The following DOCK2 variants were observed in gnomAD, a reference collection of about 807,000 sequenced individuals.
DOCK2 encodes the protein dedicator of cytokinesis protein 2.
DOCK2 carries 87 observed loss-of-function variants against 248.9 expected under a neutral mutation model. The observed-to-expected ratio is 0.35, with a 90% CI of 0.29 to 0.42. The LOEUF (loss-of-function observed/expected upper bound fraction) is 0.42. Among genes scored for constraint, DOCK2 ranks in the 10% least tolerant of loss-of-function variants. The pLI, the probability that DOCK2 is intolerant of heterozygous loss-of-function variation, is 1.00. For missense variants in DOCK2, 1,747 were observed against 2,300.2 expected (o/e 0.76, Z 4.92); for synonymous variants, 805 against 821.6 (o/e 0.98, Z 0.35).
intron 32 of DOCK2, among the ~76,000 whole-genome samples, chr5:170,015,114 A>G (rs1488626221): frequency 2.6e-5 from 4 of 152,134 alleles, no homozygotes; most frequent in African/African-American, 4.8e-5. Context: ...GTCTTTTCAT[A>G]TTGCTTAATC....
At position 169,681,785 on chromosome 5, in the gene DOCK2, A is replaced by G; in HGVS notation, c.512A>G (p.Asn171Ser). Residue 171 changes from asparagine (N) to serine (S), a missense_variant, in exon 7 of 52, where the codon AAT (asparagine) becomes AGT (serine). Around this residue, in one of 4 missense-constraint regions of DOCK2, gnomAD observed 375 missense variants for 510.9 expected, o/e 0.73. Coordinates refer to ENST00000520908, the MANE Select transcript of DOCK2 (RefSeq NM_004946.3). ...TTGATTGTCAGAGATGAAGACGGAA[A>G]TATCTTGGACCCTGATAATACCAGT... ...LDLIVRDEDG[N>S]ILDPDNTSVI... 6.2e-7 allele frequency: 1 copy of G among 1,613,718 alleles called. No individual in the cohort carries two copies. Among genetic ancestry groups the G allele is most frequent in the African/African-American group, 1.3e-5 (1 of 75,046 alleles).
rs2306558 is a variant in DOCK2 at position 169,711,905 on chromosome 5, G to A, written c.1483-30G>A. 633,560 of 1,612,506 alleles carry A rather than the reference G, an allele frequency of 0.39. 129,233 individuals carry two copies. The highest frequency in any genetic ancestry group is 0.57 in the East Asian group (25,449 of 44,836). ...AGTGGGGAGGGCCCTTTAACTCATTGTGTTCTGAGCTCTGTTTCTGTCTGC... is the reference window on the plus strand; with the variant it reads ...AGTGGGGAGGGCCCTTTAACTCATTATGTTCTGAGCTCTGTTTCTGTCTGC... On this transcript the variant is annotated intron_variant, in intron 15 of 51. Transcript: ENST00000520908.
intron 7 of DOCK2, among the ~76,000 whole-genome samples, chr5:169,682,188 A>T (rs993865164): frequency 6.6e-6 from 1 of 152,244 alleles, no homozygotes; most frequent in African/African-American, 2.4e-5. Context: ...TTAATTCCAG[A>T]TGAGTGTATA....
Position 169,699,279 on chromosome 5 carries a change from C to A in DOCK2, c.1056-103C>A. 3 of 1,141,526 alleles carry A rather than the reference C, an allele frequency of 2.6e-6. No individual in the cohort carries two copies. The South Asian group carries it at 4.7e-5, about 18-fold the overall frequency. The allele number at this position is 1,141,526 out of a possible 1,614,324, so 70.7% of individuals were successfully genotyped here. A position where few individuals can be genotyped will look rare whatever the true frequency, so the allele number is the denominator to read the frequency against. On this transcript the variant is annotated intron_variant, in intron 11 of 51. Transcript: ENST00000520908. The stretch of plus-strand genomic sequence containing the variant: ...CCCTGGGCTGACATATGCAAACTCA[C>A]TTTTCACCTGAGGCGTGTGGAGGGG...
At chr5:170,061,935 G>A (rs943001612) in intron 44 of DOCK2, among the ~76,000 whole-genome samples, 29 of 152,314 alleles carry the variant, frequency 1.9e-4, no homozygotes, top group African/African-American at 5.3e-4. Context: ...ATACTAGACC[G>A]TGGGTTTCAC....
intron 19 of DOCK2, 116 bp from the exon 20 acceptor site, chr5:169,716,097 T>C: frequency 1.1e-6 from 1 of 921,410 alleles, no homozygotes; most frequent in East Asian, 2.6e-5. Context: ...GTTTTGAGCA[T>C]GACATGTGGT....
At chr5:170,001,511 G>A (rs765208484) in intron 30 of DOCK2, among the ~76,000 whole-genome samples, 3 of 152,154 alleles carry the variant, frequency 2.0e-5, no homozygotes, top group Admixed American at 6.5e-5. Flanking sequence ...CACCTTCACC[G>A]TTTTGTAGCT....
intron 22 of DOCK2, among the ~76,000 whole-genome samples, chr5:169,744,985 G>T (rs1460303325): frequency 2.6e-5 from 4 of 152,232 alleles, no homozygotes; most frequent in Non-Finnish European, 4.4e-5. Context: ...GATGTTAAAT[G>T]TGGGTGGGAG....
intron 13 of DOCK2, among the ~76,000 whole-genome samples, chr5:169,701,128 GT>G: frequency 1.3e-5 from 2 of 152,276 alleles, no homozygotes; most frequent in East Asian, 3.9e-4. Context: ...AATTCACTCT[GT>G]CTTGCTTCTA....
rs113300369 is a variant in DOCK2 at position 169,865,149 on chromosome 5, C to T, written c.2799+24297C>T. ...CAATACAGTGTATTTAAATATTCCT[C>T]TACTGATGGATGGACATTCCCAACC... On this transcript the variant is annotated intron_variant, in intron 27 of 51. Coordinates refer to ENST00000520908, the MANE Select transcript of DOCK2 (RefSeq NM_004946.3). 4.3e-4 allele frequency among the ~76,000 whole-genome samples: 66 copies of T among 152,348 alleles called. 1 individual carries two copies. Among genetic ancestry groups the T allele is most frequent in the African/African-American group, 1.4e-3 (58 of 41,580 alleles).
chr5:170,054,356 A>T (rs73312397), intron 41 of DOCK2, among the ~76,000 whole-genome samples: 2 of 152,082 alleles, frequency 1.3e-5, no homozygotes, highest in Admixed American at 1.3e-4. Context: ...GGAGGTAGGG[A>T]AAGGGAAGAG....
intron 27 of DOCK2, among the ~76,000 whole-genome samples, chr5:169,900,691 A>G (rs1027511600): frequency 6.6e-6 from 1 of 152,210 alleles, no homozygotes; most frequent in Non-Finnish European, 1.5e-5. Flanking sequence ...AAATGATAAA[A>G]TAAGCTAATT....
Position 170,057,590 on chromosome 5 carries a change from T to C in DOCK2, c.4391T>C (p.Ile1464Thr). 6.2e-7 allele frequency: 1 copy of C among 1,614,168 alleles called. No individual in the cohort carries two copies. The highest frequency in any genetic ancestry group is 8.5e-7 in the Non-Finnish European group (1 of 1,180,006). The change falls in exon 44 of 52, where the codon ATT becomes ACT. Residue 1464 changes from isoleucine (I) to threonine (T), a missense_variant. By Grantham distance (89) the Ile-to-Thr change is moderately conservative. Around this residue, in one of 4 missense-constraint regions of DOCK2, gnomAD observed 513 missense variants for 586.1 expected, o/e 0.88. Transcript: ENST00000520908. The stretch of plus-strand genomic sequence containing the variant: ...TCTGCCCACGGACAGTCCATGTGGA[T>C]TGAGAGAACCTCCTTCGTGACTGCA... ...DPENEFASMW[I>T]ERTSFVTAYK...
intron 17 of DOCK2, 79 bp downstream of exon 17, chr5:169,712,302 A>G: frequency 1.6e-6 from 2 of 1,266,830 alleles, no homozygotes; most frequent in African/African-American, 1.5e-5. Context: ...CTTAGTGGTC[A>G]ACAGCAGGGA....
chr5:169,700,958 A>G (rs1760935981), intron 13 of DOCK2, among the ~76,000 whole-genome samples: 1 of 151,812 alleles, frequency 6.6e-6, no homozygotes, highest in African/African-American at 2.4e-5. Flanking sequence ...AGAAAGAAAG[A>G]AAGAAAGAGA....
intron 20 of DOCK2, 102 bp downstream of exon 20, chr5:169,716,404 T>C (rs541784461): frequency 1.7e-6 from 2 of 1,149,116 alleles, no homozygotes; most frequent in Admixed American, 2.0e-5. Flanking sequence ...CATGGCCTTT[T>C]TCATGAATTC....
At chr5:169,956,101 C>T (rs1776855928) in intron 27 of DOCK2, among the ~76,000 whole-genome samples, 1 of 151,798 alleles carries the variant, frequency 6.6e-6, no homozygotes, top group East Asian at 1.9e-4. Context: ...CTGGCTTTGC[C>T]ACAAATTTGC....
At chr5:169,676,461 A>G (rs1213426139) in intron 6 of DOCK2, among the ~76,000 whole-genome samples, 1 of 152,156 alleles carries the variant, frequency 6.6e-6, no homozygotes, top group Non-Finnish European at 1.5e-5. Context: ...TAGTTCTGTC[A>G]GTTTCCTTTG....
At chr5:169,804,956 G>A (rs1431734187) in intron 26 of DOCK2, among the ~76,000 whole-genome samples, 1 of 152,212 alleles carries the variant, frequency 6.6e-6, no homozygotes, top group African/African-American at 2.4e-5. Context: ...TCAGTAGCCA[G>A]CTGTTGAGCT....
Sources: gnomAD v4.1 joint callset for allele counts (sites outside exome capture counted in the v4.1 genomes callset) on GRCh38, gnomAD v4.1.1 for gene constraint, gnomAD v4.1.1 regional missense constraint, MANE v1.5 for transcripts, NCBI Gene and HGNC (gene_info 2026-07-23, HGNC 2026-07-21) for gene names.